The following WWOX variants were observed in gnomAD, a reference collection of about 807,000 sequenced individuals.
The protein encoded by WWOX is WW domain containing oxidoreductase.
A neutral mutation model predicts 46.2 loss-of-function variants in WWOX; 69 were observed. That is an observed-to-expected ratio of 1.49 (90% CI 1.23 to 1.82). WWOX has a LOEUF of 1.82. Ranked by LOEUF, WWOX falls within the 40% of genes most tolerant of loss-of-function variation. WWOX has a pLI of 0.00. For missense variants in WWOX, 919 were observed against 542.6 expected (o/e 1.69, Z -6.89); for synonymous variants, 359 against 202.6 (o/e 1.77, Z -6.56).
At chr16:78,589,199 A>G (rs16948150) in intron 8 of WWOX, among the ~76,000 whole-genome samples, 3,610 of 152,214 alleles carry the variant, frequency 0.024, 115 homozygotes, top group African/African-American at 0.08. Flanking sequence ...TATTTTTTAG[A>G]GTTTCTTATT....
intron 8 of WWOX, among the ~76,000 whole-genome samples, chr16:78,670,305 G>T (rs1055167642): frequency 6.6e-6 from 1 of 152,162 alleles, no homozygotes; most frequent in East Asian, 1.9e-4. Context: ...TGTCTTTTCC[G>T]ACCCTCCCGT....
chr16:78,966,016 A>G (rs1002703133), intron 8 of WWOX, among the ~76,000 whole-genome samples: 5 of 152,188 alleles, frequency 3.3e-5, no homozygotes, highest in African/African-American at 1.2e-4. Context: ...GGAAAAAGTT[A>G]TCTCCAGGTG....
intron 8 of WWOX, among the ~76,000 whole-genome samples, chr16:78,578,568 G>A (rs1035522447): frequency 8.6e-5 from 13 of 151,762 alleles, no homozygotes; most frequent in South Asian, 2.1e-4. Flanking sequence ...GATTACAGGC[G>A]TGAGCCACCG....
intron 8 of WWOX, among the ~76,000 whole-genome samples, chr16:78,593,861 A>T (rs1168375184): frequency 6.6e-6 from 1 of 152,208 alleles, no homozygotes; most frequent in African/African-American, 2.4e-5. Flanking sequence ...CAGCTGGGCC[A>T]TACATTTGTA....
At chr16:79,061,281 A>G (rs2048353426) in intron 8 of WWOX, among the ~76,000 whole-genome samples, 1 of 152,134 alleles carries the variant, frequency 6.6e-6, no homozygotes. Context: ...GGATTTTTAC[A>G]ATTTGTGCTT....
intron 5 of WWOX, among the ~76,000 whole-genome samples, chr16:78,226,346 C>G (rs2037053173): frequency 6.6e-6 from 1 of 152,064 alleles, no homozygotes; most frequent in African/African-American, 2.4e-5. Context: ...TATTAAATCT[C>G]AGCATTTTCA....
intron 8 of WWOX, among the ~76,000 whole-genome samples, chr16:78,615,898 C>T (rs933691895): frequency 1.3e-5 from 2 of 151,868 alleles, no homozygotes; most frequent in African/African-American, 4.8e-5. Context: ...CTACAGGCGC[C>T]CGCCACCACA....
rs1013319828 is a variant in WWOX at position 78,749,339 on chromosome 16, A to G, written c.1056+316587A>G. On this transcript the variant is annotated intron_variant, in intron 8 of 8. Coordinates refer to ENST00000566780, the MANE Select transcript of WWOX (RefSeq NM_016373.4). ...GGGGAAAAAAATGGACTTTCAAGAC[A>G]GCTGAAATTCAAAACAAAACAATGT... Among the ~76,000 whole-genome samples the G allele has an allele frequency of 1.4e-4, 22 of 152,240 alleles. 1 individual carries two copies.
At chr16:78,362,302 G>A (rs1452629046) in intron 5 of WWOX, among the ~76,000 whole-genome samples, 1 of 152,018 alleles carries the variant, frequency 6.6e-6, no homozygotes, top group African/African-American at 2.4e-5. Context: ...TGATGGGTAT[G>A]TGAAGCAGGA....
chr16:78,700,318 G>C (rs1306536631), intron 8 of WWOX, among the ~76,000 whole-genome samples: 15 of 23,896 alleles, frequency 6.3e-4, no homozygotes, highest in East Asian at 1.6e-3. Context: ...TAGACAGAGA[G>C]AGAGAGAGAG....
chr16:78,895,617 G>T (rs535567072), intron 8 of WWOX: 1 of 152,186 alleles, frequency 6.6e-6, no homozygotes, highest in Non-Finnish European at 1.5e-5. Flanking sequence ...GAAACCCTGA[G>T]CAGCTTGGCA....
Position 78,420,651 on chromosome 16 carries a change from A to ATG in WWOX, c.606-4218_606-4217insGT, listed in dbSNP as rs75985674. Among the ~76,000 whole-genome samples the ATG allele has an allele frequency of 8.0e-3, 1,117 of 139,150 alleles. 11 individuals are homozygous for ATG. The highest frequency in any genetic ancestry group is 0.018 in the South Asian group (81 of 4,538). 91.3% of individuals were successfully genotyped at this position (139,150 alleles called of 152,430 possible). A position where few individuals can be genotyped will look rare whatever the true frequency, so the allele number is the denominator to read the frequency against. Reference sequence around the variant, plus strand: ...GATAGAGGGTGGCTAGTGATTGCTAATTTTTTTTTTTTTTTTTGAGTTAAA... The same window carrying ATG: ...GATAGAGGGTGGCTAGTGATTGCTAATGTTTTTTTTTTTTTTTTTGAGTTAAA... On this transcript the variant is annotated intron_variant, in intron 6 of 8. Transcript: ENST00000566780.
intron 5 of WWOX, among the ~76,000 whole-genome samples, chr16:78,210,792 C>T (rs1475747312): frequency 6.6e-6 from 1 of 152,270 alleles, no homozygotes; most frequent in Non-Finnish European, 1.5e-5. Flanking sequence ...TAGGTCTACC[C>T]AGTTATAATT....
At chr16:78,698,085 G>C (rs1337444570) in intron 8 of WWOX, among the ~76,000 whole-genome samples, 1 of 152,162 alleles carries the variant, frequency 6.6e-6, no homozygotes, top group African/African-American at 2.4e-5. Context: ...TATTATTGTT[G>C]TCATCATGTA....
At chr16:78,196,106 A>T (rs1384582540) in intron 5 of WWOX, among the ~76,000 whole-genome samples, 1 of 152,196 alleles carries the variant, frequency 6.6e-6, no homozygotes, top group Non-Finnish European at 1.5e-5. Context: ...GCAGATGATC[A>T]AGTGGAATTT....
intron 8 of WWOX, among the ~76,000 whole-genome samples, chr16:78,804,916 A>G (rs1183715840): frequency 6.6e-6 from 1 of 152,190 alleles, no homozygotes; most frequent in Non-Finnish European, 1.5e-5. Context: ...TTTCCTCCAA[A>G]CTAACAATTC....
At chr16:78,555,095 T>G (rs1381486210) in intron 8 of WWOX, among the ~76,000 whole-genome samples, 1 of 151,730 alleles carries the variant, frequency 6.6e-6, no homozygotes, top group Admixed American at 6.6e-5. Flanking sequence ...AGGACGGATT[T>G]TTTCCTCTTT....
chr16:79,107,223 G>A (rs1470670803), intron 8 of WWOX, among the ~76,000 whole-genome samples: 1 of 151,898 alleles, frequency 6.6e-6, no homozygotes, highest in Non-Finnish European at 1.5e-5. Context: ...TGACAGGCAC[G>A]AATCACCGCG....
intron 8 of WWOX, among the ~76,000 whole-genome samples, chr16:79,056,500 C>G (rs1023082011): frequency 4.6e-5 from 7 of 152,198 alleles, no homozygotes; most frequent in African/African-American, 1.4e-4. Context: ...ATTCATTTAA[C>G]TTGAGTACAG....
Sources: gnomAD v4.1 joint callset for allele counts (sites outside exome capture counted in the v4.1 genomes callset) on GRCh38, gnomAD v4.1.1 for gene constraint, MANE v1.5 for transcripts, NCBI Gene and HGNC (gene_info 2026-07-23, HGNC 2026-07-21) for gene names.